The following GNG7 variants were observed in gnomAD, a reference collection of about 807,000 sequenced individuals.
The protein encoded by GNG7 is G protein subunit gamma 7.
A neutral mutation model predicts 4.0 loss-of-function variants in GNG7; 1 was observed. The observed-to-expected ratio is 0.25, with a 90% CI of 0.09 to 1.18. The LOEUF (loss-of-function observed/expected upper bound fraction) is 1.18. Ranked by LOEUF, GNG7 falls within the 50% of genes most tolerant of loss-of-function variation. GNG7 has a pLI of 0.50. For missense variants in GNG7, 86 were observed against 91.9 expected (o/e 0.94, Z 0.26); for synonymous variants, 34 against 36.9 (o/e 0.92, Z 0.29).
At chr19:2,696,187 AGAGAGAGGG>A (rs202163861) in intron 1 of GNG7, among the ~76,000 whole-genome samples, 11,675 of 144,476 alleles carry the variant, frequency 0.081, 605 homozygotes, top group Middle Eastern at 0.15. Context: ...GAGAGAGAGG[AGAGAGAGGG>A]GAGAGAGGGG....
intron 2 of GNG7, among the ~76,000 whole-genome samples, chr19:2,606,007 T>C (rs1384772398): frequency 6.6e-6 from 1 of 152,186 alleles, no homozygotes; most frequent in Non-Finnish European, 1.5e-5. Context: ...AAAGTCTCTT[T>C]TCAGGGCAAA....
intron 1 of GNG7, among the ~76,000 whole-genome samples, chr19:2,651,304 T>C (rs2144866415): frequency 5.7e-5 from 3 of 52,708 alleles, no homozygotes; most frequent in East Asian, 7.2e-4. Context: ...CTCCCTACCT[T>C]CCCTCCATCC....
chr19:2,512,211 G>C lies in GNG7; in HGVS notation c.*2811C>G. On this transcript the variant is annotated 3_prime_UTR_variant, in exon 5 of 5. Transcript: ENST00000382159. The surrounding 1 kb of genome is among the most constrained non-coding windows in gnomAD (Gnocchi z 4.7). Reference sequence around the variant, plus strand: ...GCCAGCTCCCCGTCTGGAGGTGCACGCGCGCTCCTGGAAACGCCCATAAAA... The same window carrying C: ...GCCAGCTCCCCGTCTGGAGGTGCACCCGCGCTCCTGGAAACGCCCATAAAA... 1.0e-6 allele frequency: 1 copy of C among 985,844 alleles called. No individual in the cohort carries two copies. The highest frequency in any genetic ancestry group is 1.7e-5 in the African/African-American group (1 of 57,328). 61.1% of individuals were successfully genotyped at this position (985,844 alleles called of 1,614,324 possible).
Position 2,511,918 on chromosome 19 carries a change from G to A in GNG7, c.*3104C>T, listed in dbSNP as rs1202870701. On this transcript the variant is annotated 3_prime_UTR_variant, in exon 5 of 5. Transcript: ENST00000382159. The surrounding 1 kb of genome is among the most constrained non-coding windows in gnomAD (Gnocchi z 6.3). ...GAGGAGGGCAGGGGAGGCGGAGCTG[G>A]TCCGGGAAGGTGCCCAGGTGGGTCA... 2 of 986,222 alleles carry A rather than the reference G, an allele frequency of 2.0e-6. No homozygotes were observed. Among genetic ancestry groups the A allele is most frequent in the Non-Finnish European group, 2.4e-6 (2 of 830,238 alleles). 61.1% of individuals were successfully genotyped at this position (986,222 alleles called of 1,614,324 possible). A position where few individuals can be genotyped will look rare whatever the true frequency, so the allele number is the denominator to read the frequency against.
rs1007162940 is a variant in GNG7, at chr19:2,626,565, T to C, written c.-78+19659A>G. Among the ~76,000 whole-genome samples the C allele has an allele frequency of 2.6e-5, 4 of 152,148 alleles. No homozygotes were observed. Among genetic ancestry groups the C allele is most frequent in the African/African-American group, 9.7e-5 (4 of 41,432 alleles). On this transcript the variant is annotated intron_variant, in intron 2 of 4. Transcript: ENST00000382159. The surrounding 1 kb of genome is among the most constrained non-coding windows in gnomAD (Gnocchi z 5.0). The stretch of plus-strand genomic sequence containing the variant: ...ACCCCACCTGTCACCTTCAGGGCAC[T>C]AGCAACACTCAACTCATGTCACTTC...
chr19:2,520,342 G>C (rs1315171707), intron 4 of GNG7, among the ~76,000 whole-genome samples: 2 of 152,228 alleles, frequency 1.3e-5, no homozygotes, highest in African/African-American at 2.4e-5. Flanking sequence ...AAAGCGCTCT[G>C]TCACGATGAC....
intron 2 of GNG7, among the ~76,000 whole-genome samples, chr19:2,568,034 T>G (rs1465754780): frequency 1.3e-5 from 2 of 152,004 alleles, no homozygotes; most frequent in African/African-American, 4.8e-5. Flanking sequence ...CAAGCACACA[T>G]GCACACACGT....
At chr19:2,625,994 G>C (rs556000166) in intron 2 of GNG7, among the ~76,000 whole-genome samples, 101 of 151,746 alleles carry the variant, frequency 6.7e-4, no homozygotes, top group African/African-American at 2.4e-3. Context: ...CACTATGTTG[G>C]CCAGGCTGGT....
At chr19:2,684,555 C>G (rs61489750) in intron 1 of GNG7, among the ~76,000 whole-genome samples, 11 of 152,144 alleles carry the variant, frequency 7.2e-5, no homozygotes, top group African/African-American at 2.7e-4. Flanking sequence ...CCTTCAACAG[C>G]AGGCAATCCT....
chr19:2,543,721 CT>C lies in GNG7; in HGVS notation c.-38+11427del, dbSNP rs1979036410. Among the ~76,000 whole-genome samples the C allele has an allele frequency of 2.0e-5, 3 of 152,336 alleles. No homozygotes were observed. The East Asian group carries it at 5.8e-4, about 29-fold the overall frequency. ...AGCGAATTCCAGCTCAGAGCGGGCT[CT>C]GGCGGCTTCCAGGCAGCTCCACAAT... is the stretch of plus-strand genomic sequence containing the variant. On this transcript the variant is annotated intron_variant, in intron 3 of 4. Coordinates refer to ENST00000382159, the MANE Select transcript of GNG7 (RefSeq NM_052847.3).
chr19:2,620,934 T>C (rs1012178851), intron 2 of GNG7, among the ~76,000 whole-genome samples: 1 of 152,124 alleles, frequency 6.6e-6, no homozygotes, highest in Non-Finnish European at 1.5e-5. Flanking sequence ...CCAGTTTCAT[T>C]TATAAAAGGG....
At chr19:2,545,307 G>T (rs964468806) in intron 3 of GNG7, among the ~76,000 whole-genome samples, 12 of 152,088 alleles carry the variant, frequency 7.9e-5, no homozygotes, top group African/African-American at 2.9e-4. Flanking sequence ...CAATCTGGCC[G>T]CCATGTCTAC....
intron 3 of GNG7, among the ~76,000 whole-genome samples, chr19:2,533,078 A>T (rs1978643257): frequency 6.6e-6 from 1 of 152,146 alleles, no homozygotes; most frequent in Non-Finnish European, 1.5e-5. Flanking sequence ...AAGCCATGGC[A>T]TTTCACACAA....
chr19:2,544,750 T>C (rs1979070384), intron 3 of GNG7, among the ~76,000 whole-genome samples: 1 of 152,136 alleles, frequency 6.6e-6, no homozygotes, highest in Non-Finnish European at 1.5e-5. Flanking sequence ...CCCTGGGCGA[T>C]GCCTGAGACA....
intron 3 of GNG7, among the ~76,000 whole-genome samples, chr19:2,530,407 T>G (rs969837844): frequency 3.4e-5 from 5 of 146,314 alleles, no homozygotes; most frequent in Middle Eastern, 3.9e-3. Flanking sequence ...AGAGAGACCC[T>G]GTCTCAAAAA....
intron 2 of GNG7, among the ~76,000 whole-genome samples, chr19:2,572,263 C>G (rs1467537792): frequency 6.6e-6 from 1 of 152,106 alleles, no homozygotes; most frequent in African/African-American, 2.4e-5. Context: ...AAGCAATCCT[C>G]CTGCCTCAGC....
chr19:2,562,653 G>T (rs1000375233), intron 2 of GNG7, among the ~76,000 whole-genome samples: 2 of 152,000 alleles, frequency 1.3e-5, no homozygotes, highest in Admixed American at 6.5e-5. Context: ...CCAGCAGCAG[G>T]TGCCCCCAGA....
intron 2 of GNG7, among the ~76,000 whole-genome samples, chr19:2,568,017 G>A (rs1272409622): frequency 6.6e-6 from 1 of 152,048 alleles, no homozygotes; most frequent in Non-Finnish European, 1.5e-5. Flanking sequence ...ACAGAGACAC[G>A]GGCATGCAAG....
At chr19:2,527,291 G>A (rs553996233) in intron 3 of GNG7, among the ~76,000 whole-genome samples, 14 of 152,324 alleles carry the variant, frequency 9.2e-5, no homozygotes, top group African/African-American at 2.9e-4. Flanking sequence ...CCTGAGGTCA[G>A]CCCAATGCTG....
Sources: allele counts gnomAD v4.1 joint callset (sites outside exome capture counted in the v4.1 genomes callset), GRCh38; gene constraint gnomAD v4.1.1; non-coding constraint Gnocchi (gnomAD v3.1); transcripts MANE v1.5; gene names NCBI Gene and HGNC (gene_info 2026-07-23, HGNC 2026-07-21).